Variants in NALF1 observed in about 807,000 individuals in gnomAD.
NALF1 encodes family with sequence similarity 155 member A.
Under a neutral mutation model 48.4 loss-of-function variants are expected in NALF1, and 3 were observed. The observed-to-expected ratio is 0.06, with a 90% CI of 0.03 to 0.16. The LOEUF is 0.16. Among genes scored for constraint, NALF1 ranks in the 10% least tolerant of loss-of-function variants. NALF1 has a pLI of 1.00. For missense variants in NALF1, 526 were observed against 571.5 expected, an observed-to-expected ratio of 0.92 and a Z score of 0.81; for synonymous variants, 262 against 245.7, an observed-to-expected ratio of 1.07 and a Z score of -0.62.
At chr13:107,586,792 G>C (rs1373769380) in intron 1 of NALF1, among the ~76,000 whole-genome samples, 1 of 151,384 alleles carries the variant, frequency 6.6e-6, no homozygotes, top group Non-Finnish European at 1.5e-5. Flanking sequence ...GTTACCTGTG[G>C]GCTCTAAGAT....
intron 1 of NALF1, among the ~76,000 whole-genome samples, chr13:107,525,942 A>T (rs1876419455): frequency 6.6e-6 from 1 of 152,082 alleles, no homozygotes. Flanking sequence ...CCTATTTCAT[A>T]AAGTGTCTGT....
At chr13:107,800,604 T>C (rs1334116242) in intron 1 of NALF1, among the ~76,000 whole-genome samples, 1 of 137,664 alleles carries the variant, frequency 7.3e-6, no homozygotes, top group Non-Finnish European at 1.6e-5. Flanking sequence ...ATAAATTATG[T>C]AATATAATAT....
chr13:107,341,519 G>A (rs1882680670), intron 1 of NALF1, among the ~76,000 whole-genome samples: 1 of 151,804 alleles, frequency 6.6e-6, no homozygotes, highest in South Asian at 2.1e-4. Flanking sequence ...TTACTTATCT[G>A]CAAAATGGCA....
intron 1 of NALF1, among the ~76,000 whole-genome samples, chr13:107,862,438 A>G (rs193160632): frequency 6.6e-6 from 1 of 152,242 alleles, no homozygotes; most frequent in Non-Finnish European, 1.5e-5. Context: ...CATCAAAAAC[A>G]TTGTTTTAAA....
chr13:107,684,265 C>A (rs550079732), intron 1 of NALF1, among the ~76,000 whole-genome samples: 1 of 152,314 alleles, frequency 6.6e-6, no homozygotes, highest in Admixed American at 6.5e-5. Flanking sequence ...TTATCCTTGA[C>A]CTTGCTAAGG....
chr13:107,783,063 T>TG (rs1388359116), intron 1 of NALF1, among the ~76,000 whole-genome samples: 35 of 114,124 alleles, frequency 3.1e-4, no homozygotes, highest in African/African-American at 1.1e-3. Flanking sequence ...GGGAGGGAGG[T>TG]GGGGGGGTCA....
intron 1 of NALF1, among the ~76,000 whole-genome samples, chr13:107,572,802 GTTAAT>G (rs1404199907): frequency 3.3e-5 from 5 of 152,092 alleles, no homozygotes; most frequent in African/African-American, 1.2e-4. Flanking sequence ...TCATTTTTAT[GTTAAT>G]TTATCTCTTT....
chr13:107,706,748 A>G (rs1463348177), intron 1 of NALF1, among the ~76,000 whole-genome samples: 4 of 152,176 alleles, frequency 2.6e-5, no homozygotes, highest in Non-Finnish European at 5.9e-5. Flanking sequence ...GATTGGCTAT[A>G]CTGATTCAAT....
chr13:107,265,466 C>G (rs1001613471), intron 1 of NALF1, among the ~76,000 whole-genome samples: 1 of 152,152 alleles, frequency 6.6e-6, no homozygotes, highest in African/African-American at 2.4e-5. Context: ...GTCACCCAGG[C>G]TGGAGTGCAG....
At chr13:107,680,097 GCCCAGGTGCCCAGCTGCAGGTACCCAGC>G (rs2138494403) in intron 1 of NALF1, among the ~76,000 whole-genome samples, 1 of 152,110 alleles carries the variant, frequency 6.6e-6, no homozygotes, top group Non-Finnish European at 1.5e-5. Flanking sequence ...GTGCCCATGT[GCCCAGGTGCCCAGCTGCAGGTACCCAGC>G]TGCCCAGGTG....
intron 1 of NALF1, among the ~76,000 whole-genome samples, chr13:107,457,761 T>A (rs1220436361): frequency 1.3e-5 from 2 of 152,206 alleles, no homozygotes; most frequent in African/African-American, 4.8e-5. Flanking sequence ...TGAAGCCCAA[T>A]AAACAAACAC....
chr13:107,235,803 A>G (rs1250575601), intron 1 of NALF1, among the ~76,000 whole-genome samples: 1 of 152,196 alleles, frequency 6.6e-6, no homozygotes, highest in African/African-American at 2.4e-5. Flanking sequence ...CTAAAGAGTT[A>G]TGACAGAATT....
chr13:107,312,946 C>T (rs539126140), intron 1 of NALF1, among the ~76,000 whole-genome samples: 14 of 152,178 alleles, frequency 9.2e-5, no homozygotes, highest in African/African-American at 2.9e-4. Context: ...CATAAAGAGA[C>T]GGAAAGCAAA....
intron 1 of NALF1, among the ~76,000 whole-genome samples, chr13:107,337,377 T>A (rs1265592935): frequency 1.3e-5 from 2 of 152,246 alleles, no homozygotes; most frequent in Non-Finnish European, 2.9e-5. Context: ...ATAACATTTT[T>A]AAACATTTAT....
intron 1 of NALF1, among the ~76,000 whole-genome samples, chr13:107,833,163 A>T (rs1423939446): frequency 6.6e-6 from 1 of 151,960 alleles, no homozygotes; most frequent in Non-Finnish European, 1.5e-5. Context: ...TTAGCATACC[A>T]CTTTGAACAT....
chr13:107,840,549 A>G (rs1553705), intron 1 of NALF1, among the ~76,000 whole-genome samples: 37,532 of 152,132 alleles, frequency 0.25, 5,110 homozygotes, highest in East Asian at 0.53. Context: ...CCTTCCATTT[A>G]AGATGATCCC....
chr13:107,285,254 C>G (rs551072410), intron 1 of NALF1, among the ~76,000 whole-genome samples: 33 of 152,288 alleles, frequency 2.2e-4, no homozygotes, highest in African/African-American at 5.5e-4. Context: ...CTAAGAGAAG[C>G]TGCTTGCACT....
intron 1 of NALF1, among the ~76,000 whole-genome samples, chr13:107,741,961 T>C (rs1876649718): frequency 6.6e-6 from 1 of 152,200 alleles, no homozygotes; most frequent in African/African-American, 2.4e-5. Context: ...AACTTTGGTC[T>C]TATGTGGCTA....
At chr13:107,657,317 A>G (rs370572411) in intron 1 of NALF1, among the ~76,000 whole-genome samples, 2 of 152,190 alleles carry the variant, frequency 1.3e-5, no homozygotes, top group African/African-American at 4.8e-5. Flanking sequence ...ATTTCTTAAA[A>G]CTAAGCTAAT....
Sources: allele counts gnomAD v4.1 joint callset (sites outside exome capture counted in the v4.1 genomes callset), GRCh38; gene constraint gnomAD v4.1.1; transcripts MANE v1.5; gene names NCBI Gene and HGNC (gene_info 2026-07-23, HGNC 2026-07-21).